Variants in CNTNAP2 observed in about 807,000 individuals in gnomAD.
CNTNAP2 encodes the protein contactin-associated protein-like 2.
Under a neutral mutation model 155.2 loss-of-function variants are expected in CNTNAP2, and 98 were observed. The ratio of observed to expected loss-of-function variants is 0.63; its 90% CI spans 0.54 to 0.75. The LOEUF (loss-of-function observed/expected upper bound fraction) is 0.75, where lower values mean the gene tolerates loss of function less well. CNTNAP2 is among the 30% of genes least tolerant of loss of function. The probability of loss-of-function intolerance (pLI) is 0.00; values close to 1 mark genes in which losing one functional copy is unlikely to be tolerated. For missense variants in CNTNAP2, 1,727 were observed against 1,688.1 expected, an observed-to-expected ratio of 1.02 and a Z score of -0.40; for synonymous variants, 651 against 631.2, an observed-to-expected ratio of 1.03 and a Z score of -0.47.
At chr7:147,128,326 A>C (rs1357605564) in intron 6 of CNTNAP2, among the ~76,000 whole-genome samples, 5 of 152,210 alleles carry the variant, frequency 3.3e-5, no homozygotes, top group Non-Finnish European at 7.3e-5. Flanking sequence ...GCATTTATTG[A>C]TAGTATGTCT....
rs191678514 is a variant in CNTNAP2, at chr7:146,388,806, C to T, written c.97+271833C>T. ...GTAACCTTCCTTCTACTCTCTATGT[C>T]CATGGGTTCAATTGTTTTGATTTTT... On this transcript the variant is annotated intron_variant, in intron 1 of 23. Coordinates refer to ENST00000361727, the MANE Select transcript of CNTNAP2 (RefSeq NM_014141.6). Among the ~76,000 whole-genome samples the T allele has an allele frequency of 5.9e-5, 9 of 152,140 alleles. No individual in the cohort carries two copies. The East Asian group carries it at 1.4e-3, about 23-fold the overall frequency.
chr7:146,551,082 T>C (rs1331666098), intron 1 of CNTNAP2, among the ~76,000 whole-genome samples: 1 of 152,040 alleles, frequency 6.6e-6, no homozygotes, highest in Admixed American at 6.6e-5. Context: ...AGTAGAGTCT[T>C]AGTAAGGCAC....
intron 13 of CNTNAP2, among the ~76,000 whole-genome samples, chr7:147,658,202 A>G (rs935616971): frequency 1.4e-5 from 2 of 142,954 alleles, no homozygotes. Context: ...GCTTGCAGTG[A>G]GCCGAGATCC....
At chr7:146,370,227 G>C (rs1022853901) in intron 1 of CNTNAP2, among the ~76,000 whole-genome samples, 3 of 130,220 alleles carry the variant, frequency 2.3e-5, no homozygotes, top group African/African-American at 8.8e-5. Context: ...TTCAAGACAA[G>C]CCTGGCCAAT....
intron 1 of CNTNAP2, among the ~76,000 whole-genome samples, chr7:146,739,600 C>T (rs1164814579): frequency 6.6e-6 from 1 of 151,940 alleles, no homozygotes; most frequent in African/African-American, 2.4e-5. Flanking sequence ...AATGAATATG[C>T]ATAGAATAAT....
chr7:147,185,220 T>A (rs1180915704), intron 8 of CNTNAP2, among the ~76,000 whole-genome samples: 1 of 152,006 alleles, frequency 6.6e-6, no homozygotes, highest in Non-Finnish European at 1.5e-5. Context: ...ATTAGATAAA[T>A]GTTAATAAAA....
intron 1 of CNTNAP2, among the ~76,000 whole-genome samples, chr7:146,644,285 G>T (rs1425357878): frequency 6.6e-6 from 1 of 152,138 alleles, no homozygotes; most frequent in Non-Finnish European, 1.5e-5. Context: ...GATATTGGCT[G>T]TGGGTTTGTC....
chr7:146,831,622 G>A (rs939692959), intron 2 of CNTNAP2, among the ~76,000 whole-genome samples: 1 of 134,340 alleles, frequency 7.4e-6, no homozygotes, highest in African/African-American at 2.9e-5. Context: ...GTTGCAGTGA[G>A]CCAGGATCTC....
chr7:146,799,701 T>G (rs1409010862), intron 2 of CNTNAP2, among the ~76,000 whole-genome samples: 1 of 152,190 alleles, frequency 6.6e-6, no homozygotes. Flanking sequence ...ACCATAGTGG[T>G]TAAGAGTGAG....
At chr7:147,809,226 C>A (rs150364941) in intron 13 of CNTNAP2, among the ~76,000 whole-genome samples, 9 of 152,142 alleles carry the variant, frequency 5.9e-5, no homozygotes, top group Non-Finnish European at 1.2e-4. Flanking sequence ...TCTGTTTTCT[C>A]TCCTTGTTTC....
chr7:147,487,592 G>A (rs905857192), intron 11 of CNTNAP2, among the ~76,000 whole-genome samples: 5 of 152,116 alleles, frequency 3.3e-5, no homozygotes, highest in South Asian at 2.1e-4. Context: ...GCAAGAAATC[G>A]GTGGTGGTTG....
intron 1 of CNTNAP2, among the ~76,000 whole-genome samples, chr7:146,245,734 G>C (rs1204972307): frequency 6.6e-6 from 1 of 152,098 alleles, no homozygotes; most frequent in African/African-American, 2.4e-5. Context: ...GAAGTAATGG[G>C]GGCTGTCTGT....
chr7:147,610,626 G>A (rs183769623), intron 12 of CNTNAP2, among the ~76,000 whole-genome samples: 2 of 152,114 alleles, frequency 1.3e-5, no homozygotes, highest in Non-Finnish European at 2.9e-5. Flanking sequence ...TGTGAATAGA[G>A]GCCAAACAGA....
intron 3 of CNTNAP2, among the ~76,000 whole-genome samples, chr7:146,919,254 A>C (rs746853835): frequency 1.3e-5 from 2 of 152,110 alleles, no homozygotes; most frequent in Non-Finnish European, 2.9e-5. Context: ...GGTGTTAAAG[A>C]AACTTGTTTT....
chr7:147,110,535 A>C (rs79374542), intron 5 of CNTNAP2, among the ~76,000 whole-genome samples: 4,363 of 150,960 alleles, frequency 0.029, 202 homozygotes, highest in African/African-American at 0.099. Flanking sequence ...CACCACCTAA[A>C]CCTCCGACAG....
intron 1 of CNTNAP2, among the ~76,000 whole-genome samples, chr7:146,324,449 T>G (rs1475154044): frequency 6.6e-6 from 1 of 152,164 alleles, no homozygotes; most frequent in Non-Finnish European, 1.5e-5. Context: ...CTAGCCACTC[T>G]CACAAAAGCT....
chr7:146,717,563 C>T (rs558703707), intron 1 of CNTNAP2, among the ~76,000 whole-genome samples: 2 of 152,060 alleles, frequency 1.3e-5, no homozygotes, highest in South Asian at 2.1e-4. Context: ...TTCAAATAAG[C>T]TGCTTAATTT....
At chr7:147,569,773 G>C (rs1800248671) in intron 12 of CNTNAP2, among the ~76,000 whole-genome samples, 1 of 152,178 alleles carries the variant, frequency 6.6e-6, no homozygotes, top group Non-Finnish European at 1.5e-5. Flanking sequence ...GCAGTTTACA[G>C]TAATACAAAT....
chr7:147,535,758 C>T (rs57740470), intron 11 of CNTNAP2, among the ~76,000 whole-genome samples: 26,329 of 151,990 alleles, frequency 0.17, 2,461 homozygotes, highest in East Asian at 0.36. Context: ...GCGAGGACCG[C>T]GAAGGTCACA....
Sources: gnomAD v4.1 joint callset for allele counts (sites outside exome capture counted in the v4.1 genomes callset) on GRCh38, gnomAD v4.1.1 for gene constraint, MANE v1.5 for transcripts, NCBI Gene and HGNC (gene_info 2026-07-23, HGNC 2026-07-21) for gene names.